Variants in KAT14 observed in about 807,000 individuals in gnomAD.
KAT14 encodes lysine acetyltransferase 14.
In KAT14, 66 loss-of-function variants were observed where a neutral mutation model predicts 78.4. That is an observed-to-expected ratio of 0.84 (90% CI 0.69 to 1.03). The LOEUF (loss-of-function observed/expected upper bound fraction) is 1.03. Ranked by LOEUF, KAT14 falls within the 50% of genes least tolerant of loss-of-function variation. The pLI, the probability that KAT14 is intolerant of heterozygous loss-of-function variation, is 0.00. For missense variants in KAT14, 870 were observed against 972.5 expected (o/e 0.89, Z 1.40); for synonymous variants, 344 against 359.4 (o/e 0.96, Z 0.48).
At chr20:18,141,571 A>G (rs1220763247) in intron 1 of KAT14, among the ~76,000 whole-genome samples, 1 of 152,236 alleles carries the variant, frequency 6.6e-6, no homozygotes, top group Non-Finnish European at 1.5e-5. Flanking sequence ...TTAAAGCATT[A>G]CATATCAATT....
chr20:18,155,002 A>G (rs2038172592), intron 4 of KAT14, among the ~76,000 whole-genome samples: 1 of 152,224 alleles, frequency 6.6e-6, no homozygotes, highest in Non-Finnish European at 1.5e-5. Flanking sequence ...TTGTTTCTAC[A>G]ATGGTACATA....
intron 9 of KAT14, 129 bp downstream of exon 9, chr20:18,183,427 A>G (rs989644274): frequency 4.4e-6 from 6 of 1,350,916 alleles, no homozygotes; most frequent in African/African-American, 3.0e-5. Context: ...CTCTGCTAAC[A>G]TGGAAATATT....
At chr20:18,179,220 C>T (rs1600239475) in intron 7 of KAT14, among the ~76,000 whole-genome samples, 1 of 152,330 alleles carries the variant, frequency 6.6e-6, no homozygotes, top group Non-Finnish European at 1.5e-5. Flanking sequence ...TCCAACTTTT[C>T]CAGTTGCACA....
intron 2 of KAT14, among the ~76,000 whole-genome samples, chr20:18,144,512 T>C (rs2037743889): frequency 6.6e-6 from 1 of 152,130 alleles, no homozygotes; most frequent in African/African-American, 2.4e-5. Flanking sequence ...AAGAGACCCC[T>C]TTTCACCTGG....
chr20:18,141,814 G>T (rs548893154), intron 1 of KAT14, among the ~76,000 whole-genome samples: 1 of 152,306 alleles, frequency 6.6e-6, no homozygotes, highest in South Asian at 2.1e-4. Context: ...AACCCAGGAG[G>T]TGGAGGTTGC....
At chr20:18,171,159 C>T (rs75057165) in intron 7 of KAT14, among the ~76,000 whole-genome samples, 8,256 of 152,176 alleles carry the variant, frequency 0.054, 264 homozygotes, top group Middle Eastern at 0.092. Context: ...TCAACATTTA[C>T]AGGAGTTTGG....
intron 1 of KAT14, among the ~76,000 whole-genome samples, chr20:18,141,658 T>C (rs1161077164): frequency 1.3e-5 from 2 of 152,100 alleles, no homozygotes; most frequent in African/African-American, 4.8e-5. Flanking sequence ...CTGAGGCAGG[T>C]GGATTACTTG....
At chr20:18,138,387 G>A in intron 1 of KAT14, 1 of 1,048,294 alleles carries the variant, frequency 9.5e-7, no homozygotes, top group Non-Finnish European at 1.1e-6. Flanking sequence ...TCAAGTCACA[G>A]CCGGCCCGCA....
In KAT14 at chr20:18,152,393, A is replaced by G. The variant is rs540433653; in HGVS notation, c.500+1451A>G. 3.3e-5 allele frequency among the ~76,000 whole-genome samples: 5 copies of G among 152,262 alleles called. No homozygotes were observed. In the East Asian group the frequency reaches 9.7e-4, roughly 29 times the overall value. On this transcript the variant is annotated intron_variant, in intron 4 of 10. Coordinates refer to ENST00000688188, the MANE Select transcript of KAT14 (RefSeq NM_001392073.1). ...GGAGTTCGAGACCAGCCTGGCCAAC[A>G]TGGTGAAACCCCATCTCTACTAAAA...
Position 18,161,948 on chromosome 20 carries a change from AT to A in KAT14, c.810del (p.Arg271GlufsTer20). ...GTCTCGAACTCAGGAAGCAAAAGAC[AT>A]TAGAAGAGCCCAGAAGGAGGCCGCT... is the stretch of plus-strand genomic sequence containing the variant. ...KRSRTQEAKD[I>X]RRAQKEAAGF... On this transcript the variant is annotated frameshift_variant, in exon 6 of 11. Coordinates refer to ENST00000688188, the MANE Select transcript of KAT14 (RefSeq NM_001392073.1). LOFTEE classifies it high-confidence loss of function. 1 of 1,614,274 alleles carries A rather than the reference AT, an allele frequency of 6.2e-7. No individual in the cohort carries two copies. Among genetic ancestry groups the A allele is most frequent in the Non-Finnish European group, 8.5e-7 (1 of 1,180,042 alleles).
At position 18,151,814 on chromosome 20, in the gene KAT14, G is replaced by A. The variant is rs1205223; in HGVS notation, c.500+872G>A. On this transcript the variant is annotated intron_variant, in intron 4 of 10. Coordinates refer to ENST00000688188, the MANE Select transcript of KAT14 (RefSeq NM_001392073.1). ...AGGTCAGGAGTTCAAGACCAGCCTCGCCAACATGGTGAAACCCCATCTCTA... is the reference window on the plus strand; with the variant it reads ...AGGTCAGGAGTTCAAGACCAGCCTCACCAACATGGTGAAACCCCATCTCTA... Among the ~76,000 whole-genome samples, 950 of 151,448 alleles carry A rather than the reference G, an allele frequency of 6.3e-3. 6 individuals carry two copies. The highest frequency in any genetic ancestry group is 8.0e-3 in the Non-Finnish European group (540 of 67,868).
rs765868188 is a variant in KAT14 at position 18,183,260 on chromosome 20, C to G, written c.1943C>G (p.Pro648Arg). The G allele has an allele frequency of 6.2e-7, 1 of 1,614,062 alleles. No individual in the cohort carries two copies. The highest frequency in any genetic ancestry group is 1.7e-5 in the Admixed American group (1 of 60,004). ...DYCYVRPNHI[P>R]TINSMCQEFF... ...TGTTATGTGCGGCCAAATCACATCC[C>G]AACGATCAACTCCATGTGTCAGGAG... The change falls in exon 9 of 11, where the codon CCA becomes CGA. Residue 648 changes from proline (P) to arginine (R), a missense_variant. Physicochemically the swap from Pro to Arg is moderately radical, Grantham distance 103 (BLOSUM62 -2). Coordinates refer to ENST00000688188, the MANE Select transcript of KAT14 (RefSeq NM_001392073.1).
At chr20:18,179,427 A>G (rs983029797) in intron 7 of KAT14, among the ~76,000 whole-genome samples, 2 of 152,218 alleles carry the variant, frequency 1.3e-5, no homozygotes, top group South Asian at 2.1e-4. Context: ...AGGTGTTTCC[A>G]TACATCTTCT....
At chr20:18,184,576 A>C (rs2039387284) in intron 9 of KAT14, 26 bp from the exon 10 acceptor site, 5 of 1,572,832 alleles carry the variant, frequency 3.2e-6, no homozygotes, top group Non-Finnish European at 4.3e-6. Context: ...ATGTGGTTTG[A>C]GTCTCCGATG....
At chr20:18,184,193 A>G (rs892126325) in intron 9 of KAT14, among the ~76,000 whole-genome samples, 1 of 152,220 alleles carries the variant, frequency 6.6e-6, no homozygotes, top group South Asian at 2.1e-4. Context: ...AAAGGATGTG[A>G]TAGAACACGC....
At position 18,142,235 on chromosome 20, in the gene KAT14, AT is replaced by A. The variant is rs965482014; in HGVS notation, c.-424del. ...GCTTCGTGACGGAGTTATCAGAGAC[AT>A]TGAGAGGCAAATTCGGAAAAAAGAA... On this transcript the variant is annotated 5_prime_UTR_variant, in exon 2 of 11. It adds an upstream start codon to the 5' untranslated region. Coordinates refer to ENST00000688188, the MANE Select transcript of KAT14 (RefSeq NM_001392073.1). The A allele has an allele frequency of 2.6e-6, 4 of 1,537,134 alleles. No homozygotes were observed. In the African/African-American group the frequency reaches 5.5e-5, roughly 21 times the overall value.
In KAT14 at chr20:18,140,818, C is replaced by CAAAA. The variant is rs1157203058; in HGVS notation, c.-453-1375_-453-1372dup. On this transcript the variant is annotated intron_variant, in intron 1 of 10. Coordinates refer to ENST00000688188, the MANE Select transcript of KAT14 (RefSeq NM_001392073.1). ...TGGGTGACAGAACGAGACTCCTTCT[C>CAAAA]AAAAAAAAAAAAAAAAAACCAATAA... Among the ~76,000 whole-genome samples the CAAAA allele has an allele frequency of 2.4e-3, 191 of 79,016 alleles. 4 individuals carry two copies. Among genetic ancestry groups the CAAAA allele is most frequent in the African/African-American group, 8.9e-3 (172 of 19,408 alleles). The allele number at this position is 79,016 out of a possible 152,430, so 51.8% of individuals were successfully genotyped here.
chr20:18,159,486 C>T (rs1379754477), intron 5 of KAT14, among the ~76,000 whole-genome samples: 1 of 152,230 alleles, frequency 6.6e-6, no homozygotes, highest in Non-Finnish European at 1.5e-5. Flanking sequence ...ATAAATTTCC[C>T]AGGGTATCTG....
At position 18,161,731 on chromosome 20, in the gene KAT14, C is replaced by T. The variant is rs898164435; in HGVS notation, c.683-92C>T. On this transcript the variant is annotated intron_variant, in intron 5 of 10. Transcript: ENST00000688188. ...GCCAATAAGTAAAATGCAAATATTC[C>T]AAAAGCCGAAAACATCTGAAATCCA... 13 of 1,493,896 alleles carry T rather than the reference C, an allele frequency of 8.7e-6. No individual in the cohort carries two copies. The African/African-American group carries it at 1.3e-4, about 15-fold the overall frequency. 92.5% of individuals were successfully genotyped at this position (1,493,896 alleles called of 1,614,324 possible).
Sources: gnomAD v4.1 joint callset for allele counts (sites outside exome capture counted in the v4.1 genomes callset) on GRCh38, gnomAD v4.1.1 for gene constraint, MANE v1.5 for transcripts, NCBI Gene and HGNC (gene_info 2026-07-23, HGNC 2026-07-21) for gene names.